Variants in TAOK1 observed in about 807,000 individuals in gnomAD.
The protein encoded by TAOK1 is serine/threonine-protein kinase TAO1.
TAOK1 carries 21 observed loss-of-function variants against 138.3 expected under a neutral mutation model. The observed-to-expected ratio is 0.15, with a 90% CI of 0.11 to 0.22. The LOEUF is 0.22. Among genes scored for constraint, TAOK1 ranks in the 10% least tolerant of loss-of-function variants. The probability of loss-of-function intolerance (pLI) is 1.00; values close to 1 mark genes in which losing one functional copy is unlikely to be tolerated. For missense variants in TAOK1, 651 were observed against 1,227.7 expected, an observed-to-expected ratio of 0.53 and a Z score of 7.02; for synonymous variants, 361 against 398.4, an observed-to-expected ratio of 0.91 and a Z score of 1.12.
intron 17 of TAOK1, among the ~76,000 whole-genome samples, chr17:29,527,434 C>T (rs1442955216): frequency 1.3e-5 from 2 of 152,162 alleles, no homozygotes; most frequent in Non-Finnish European, 2.9e-5. Context: ...CACTGTACTC[C>T]AGAGCCTGGA....
intron 15 of TAOK1, chr17:29,513,307 T>C (rs1490608747): frequency 6.6e-6 from 1 of 152,122 alleles, no homozygotes; most frequent in Non-Finnish European, 1.5e-5. Flanking sequence ...CTAAATGGTA[T>C]AATTTGCAGT....
At chr17:29,486,243 C>G (rs891925649) in intron 8 of TAOK1, among the ~76,000 whole-genome samples, 1 of 152,062 alleles carries the variant, frequency 6.6e-6, no homozygotes, top group Non-Finnish European at 1.5e-5. Context: ...GAGCTAAGAT[C>G]GCGCCACTGC....
chr17:29,523,223 A>T (rs989891541), intron 17 of TAOK1, among the ~76,000 whole-genome samples: 1 of 152,076 alleles, frequency 6.6e-6, no homozygotes. Context: ...TACAAGATTT[A>T]AAAATATGAA....
intron 2 of TAOK1, among the ~76,000 whole-genome samples, chr17:29,464,065 G>A (rs993438947): frequency 2.6e-5 from 4 of 152,060 alleles, no homozygotes; most frequent in Non-Finnish European, 4.4e-5. Flanking sequence ...TGTCCAGAAT[G>A]GGCAAATCTC....
At chr17:29,461,226 G>A (rs1003771655) in intron 2 of TAOK1, among the ~76,000 whole-genome samples, 2 of 152,170 alleles carry the variant, frequency 1.3e-5, no homozygotes, top group Non-Finnish European at 2.9e-5. Flanking sequence ...TGAAATTTGA[G>A]TGCGTACTAT....
At chr17:29,479,577 T>C (rs1173210655) in intron 6 of TAOK1, among the ~76,000 whole-genome samples, 1 of 152,162 alleles carries the variant, frequency 6.6e-6, no homozygotes, top group East Asian at 1.9e-4. Context: ...TTCTCAAATT[T>C]AAGATACCTC....
chr17:29,494,037 C>T (rs9906711), intron 10 of TAOK1, among the ~76,000 whole-genome samples: 35,648 of 151,806 alleles, frequency 0.23, 4,772 homozygotes, highest in East Asian at 0.65. Flanking sequence ...GTGCCTCAGC[C>T]GCCCGAGTAG....
chr17:29,539,592 A>T (rs1182406314), intron 19 of TAOK1, among the ~76,000 whole-genome samples: 1 of 152,108 alleles, frequency 6.6e-6, no homozygotes, highest in Admixed American at 6.5e-5. Flanking sequence ...ATGTGCCACC[A>T]TGCCCGGCTA....
At chr17:29,539,006 C>T (rs548325195) in intron 19 of TAOK1, among the ~76,000 whole-genome samples, 4 of 151,960 alleles carry the variant, frequency 2.6e-5, no homozygotes, top group Non-Finnish European at 5.9e-5. Context: ...ACTGTAATCC[C>T]AGCACTTCGG....
intron 1 of TAOK1, among the ~76,000 whole-genome samples, chr17:29,428,165 AAT>A (rs1421506536): frequency 6.6e-6 from 1 of 152,152 alleles, no homozygotes; most frequent in East Asian, 1.9e-4. Context: ...CCTAGAGGGG[AAT>A]ACCTAGGCAG....
At chr17:29,477,105 A>G (rs2030961601) in intron 4 of TAOK1, among the ~76,000 whole-genome samples, 2 of 152,136 alleles carry the variant, frequency 1.3e-5, no homozygotes, top group African/African-American at 4.8e-5. Flanking sequence ...TCGGCCTCCC[A>G]AAGTGCTGGG....
chr17:29,411,092 T>TG (rs1290633750), intron 1 of TAOK1, among the ~76,000 whole-genome samples: 4 of 136,880 alleles, frequency 2.9e-5, no homozygotes, highest in African/African-American at 1.1e-4. Context: ...TTTACTGTTT[T>TG]TTTTTTTTTT....
intron 1 of TAOK1, among the ~76,000 whole-genome samples, chr17:29,395,179 G>A (rs9915632): frequency 0.42 from 63,870 of 151,586 alleles, 14,562 homozygotes; most frequent in East Asian, 0.88. Context: ...AGAAGATGGA[G>A]GCTGCAGTGA....
intron 10 of TAOK1, 38 bp from the exon 11 acceptor site, chr17:29,495,522 G>T: frequency 6.7e-7 from 1 of 1,500,094 alleles, no homozygotes; most frequent in Admixed American, 2.0e-5. Flanking sequence ...GTCACTAATT[G>T]AAAAAAAAAT....
At chr17:29,468,204 T>C (rs1246498603) in intron 3 of TAOK1, among the ~76,000 whole-genome samples, 1 of 143,834 alleles carries the variant, frequency 7.0e-6, no homozygotes, top group African/African-American at 2.6e-5. Flanking sequence ...TGGTGCGATC[T>C]CAGCTCACTG....
chr17:29,453,564 A>AT (rs2030297055), intron 2 of TAOK1, among the ~76,000 whole-genome samples: 1 of 147,426 alleles, frequency 6.8e-6, no homozygotes, highest in African/African-American at 2.5e-5. Context: ...TTTGAGTTAG[A>AT]TTTTTTGTTT....
chr17:29,397,249 C>T (rs1423972179), intron 1 of TAOK1, among the ~76,000 whole-genome samples: 2 of 151,662 alleles, frequency 1.3e-5, no homozygotes, highest in Admixed American at 6.6e-5. Context: ...GAGCCAAGAT[C>T]GTGCCACTGC....
In TAOK1 at chr17:29,482,236, A is replaced by G. The variant is rs1303742228; in HGVS notation, c.603A>G (p.Gln201=). The G allele has an allele frequency of 1.9e-5, 31 of 1,612,860 alleles. No individual in the cohort carries two copies. Among genetic ancestry groups the G allele is most frequent in the Non-Finnish European group, 2.5e-5 (29 of 1,179,512 alleles). ...PEVILAMDEG[Q]YDGKVDVWSL... Reference sequence around the variant, plus strand: ...TAATTTTAGCCATGGATGAAGGACAATATGATGGCAAAGTAGATGTGTGGT... The same window carrying G: ...TAATTTTAGCCATGGATGAAGGACAGTATGATGGCAAAGTAGATGTGTGGT... Residue 201 remains glutamine, a synonymous_variant, in exon 8 of 20, where the codon CAA becomes CAG. Transcript: ENST00000261716.
intron 18 of TAOK1, chr17:29,530,865 C>A: frequency 3.9e-6 from 2 of 511,410 alleles, no homozygotes. Flanking sequence ...CAGATCCTAA[C>A]ACCTTATTGA....
Sources: gnomAD v4.1 joint callset for allele counts (sites outside exome capture counted in the v4.1 genomes callset) on GRCh38, gnomAD v4.1.1 for gene constraint, MANE v1.5 for transcripts, NCBI Gene and HGNC (gene_info 2026-07-23, HGNC 2026-07-21) for gene names.